SLC35F4: variants seen among roughly 807,000 people sequenced by gnomAD.
SLC35F4 encodes the protein chromosome 14 open reading frame 36.
SLC35F4 carries 24 observed loss-of-function variants against 44.2 expected under a neutral mutation model. That is an observed-to-expected ratio of 0.54 (90% CI 0.39 to 0.76). The LOEUF is 0.76. Ranked by LOEUF, SLC35F4 falls within the 30% of genes least tolerant of loss-of-function variation. The pLI is 0.00. For missense variants in SLC35F4, 562 were observed against 586.1 expected (o/e 0.96, Z 0.42); for synonymous variants, 238 against 223.6 (o/e 1.06, Z -0.57).
rs767179058 is a variant in SLC35F4, at chr14:57,589,465, C to G, written c.338G>C (p.Arg113Thr). 19 of 1,613,702 alleles carry G rather than the reference C, an allele frequency of 1.2e-5. No individual in the cohort carries two copies. Among genetic ancestry groups the G allele is most frequent in the Non-Finnish European group, 1.2e-5 (14 of 1,179,816 alleles). ...GCAGGACAGGCAGCGAGCCTTGATTCTGTTTTCTTGGCTGCTGTTCTCAGA... is the reference window on the plus strand; with the variant it reads ...GCAGGACAGGCAGCGAGCCTTGATTGTGTTTTCTTGGCTGCTGTTCTCAGA... The part of the protein sequence containing the change: ...THSENSSQEN[R>T]IKARCLSCTS... The change falls in exon 3 of 8, where the codon AGA becomes ACA. Residue 113 changes from arginine to threonine, a missense_variant. Coordinates refer to ENST00000556826, the MANE Select transcript of SLC35F4 (RefSeq NM_001306087.2).
chr14:57,787,101 T>C (rs2077783056), intron 1 of SLC35F4, among the ~76,000 whole-genome samples: 2 of 152,150 alleles, frequency 1.3e-5, no homozygotes, highest in Non-Finnish European at 2.9e-5. Context: ...GGATACACTC[T>C]TAGAAATGTG....
chr14:57,665,301 C>T (rs1047646598), intron 1 of SLC35F4, among the ~76,000 whole-genome samples: 4 of 152,140 alleles, frequency 2.6e-5, no homozygotes, highest in African/African-American at 9.7e-5. Context: ...TGCACCACAA[C>T]CCCAAATTTT....
At chr14:57,836,173 A>G (rs1409070560) in intron 1 of SLC35F4, among the ~76,000 whole-genome samples, 2 of 152,214 alleles carry the variant, frequency 1.3e-5, no homozygotes, top group African/African-American at 4.8e-5. Context: ...AGTTTAACTA[A>G]TGACTTACCT....
chr14:57,571,815 T>C, intron 5 of SLC35F4, 79 bp downstream of exon 5: 1 of 1,497,030 alleles, frequency 6.7e-7, no homozygotes, highest in Non-Finnish European at 9.0e-7. Flanking sequence ...AATCAATGAT[T>C]ACATCGTACT....
chr14:57,696,463 T>C (rs1327210728), intron 1 of SLC35F4, among the ~76,000 whole-genome samples: 1 of 152,200 alleles, frequency 6.6e-6, no homozygotes, highest in Non-Finnish European at 1.5e-5. Context: ...TTTTACACTG[T>C]TGGTGGGACT....
At chr14:57,626,222 A>G (rs936054569) in intron 1 of SLC35F4, among the ~76,000 whole-genome samples, 11 of 144,942 alleles carry the variant, frequency 7.6e-5, no homozygotes, top group African/African-American at 2.5e-4. Context: ...CGTAATGTAA[A>G]TGACGGGTTG....
chr14:57,948,745 T>C (rs1890081530), intron 1 of SLC35F4, among the ~76,000 whole-genome samples: 1 of 152,152 alleles, frequency 6.6e-6, no homozygotes, highest in South Asian at 2.1e-4. Context: ...ACTATTATCA[T>C]TCGGTTCAAA....
chr14:57,586,456 A>G (rs1220663306), intron 3 of SLC35F4, among the ~76,000 whole-genome samples: 1 of 151,974 alleles, frequency 6.6e-6, no homozygotes, highest in Admixed American at 6.6e-5. Context: ...GGTGGCTTAC[A>G]CCTGTAATCC....
At chr14:57,797,755 G>C (rs1444895646) in intron 1 of SLC35F4, among the ~76,000 whole-genome samples, 1 of 151,972 alleles carries the variant, frequency 6.6e-6, no homozygotes, top group Non-Finnish European at 1.5e-5. Context: ...TGAAACACTG[G>C]GTGATAAGTA....
chr14:57,739,615 G>C (rs1032653254), intron 1 of SLC35F4, among the ~76,000 whole-genome samples: 2 of 152,184 alleles, frequency 1.3e-5, no homozygotes, highest in African/African-American at 4.8e-5. Flanking sequence ...GCCGTTTGTG[G>C]ATTGTGTTGC....
intron 1 of SLC35F4, among the ~76,000 whole-genome samples, chr14:57,915,745 T>C (rs1397291502): frequency 6.6e-6 from 1 of 152,194 alleles, no homozygotes; most frequent in Non-Finnish European, 1.5e-5. Flanking sequence ...GAATGGGCTT[T>C]AGTGTCCAGA....
chr14:57,894,416 C>A (rs1318412686), intron 1 of SLC35F4, among the ~76,000 whole-genome samples: 1 of 152,048 alleles, frequency 6.6e-6, no homozygotes, highest in Non-Finnish European at 1.5e-5. Flanking sequence ...GCTTCACAAG[C>A]TTTATGATAA....
chr14:57,638,834 T>C (rs966976533), intron 1 of SLC35F4, among the ~76,000 whole-genome samples: 5 of 151,940 alleles, frequency 3.3e-5, no homozygotes, highest in African/African-American at 1.2e-4. Context: ...TAAATCTACA[T>C]AGTTTAGGTC....
chr14:57,913,242 T>G (rs2141052747), intron 1 of SLC35F4, among the ~76,000 whole-genome samples: 1 of 152,246 alleles, frequency 6.6e-6, no homozygotes, highest in Non-Finnish European at 1.5e-5. Context: ...TTTTAGTTGG[T>G]GTACTTAGAT....
At chr14:57,664,277 T>C (rs2074234992) in intron 1 of SLC35F4, among the ~76,000 whole-genome samples, 1 of 152,152 alleles carries the variant, frequency 6.6e-6, no homozygotes, top group African/African-American at 2.4e-5. Flanking sequence ...ACTATTATCT[T>C]CTCTTTTACC....
intron 1 of SLC35F4, among the ~76,000 whole-genome samples, chr14:57,739,460 T>C (rs2076550096): frequency 6.6e-6 from 1 of 152,222 alleles, no homozygotes; most frequent in African/African-American, 2.4e-5. Flanking sequence ...ACAGACTTCC[T>C]AGGTGTAATT....
At chr14:57,661,238 T>C (rs1241289718) in intron 1 of SLC35F4, among the ~76,000 whole-genome samples, 6 of 151,884 alleles carry the variant, frequency 4.0e-5, no homozygotes, top group South Asian at 2.1e-4. Context: ...TAATCAAGAG[T>C]TGTGGGGCAC....
intron 1 of SLC35F4, among the ~76,000 whole-genome samples, chr14:57,857,304 T>C (rs906684128): frequency 2.6e-5 from 4 of 151,612 alleles, no homozygotes; most frequent in South Asian, 2.1e-4. Flanking sequence ...TTTTCCCCCA[T>C]TGAAGCACAG....
intron 1 of SLC35F4, among the ~76,000 whole-genome samples, chr14:57,795,923 C>G (rs147970782): frequency 1.3e-5 from 2 of 152,146 alleles, no homozygotes; most frequent in Non-Finnish European, 2.9e-5. Flanking sequence ...GTACCCAATA[C>G]CTAGTTTTTC....
Sources: allele counts gnomAD v4.1 joint callset (sites outside exome capture counted in the v4.1 genomes callset), GRCh38; gene constraint gnomAD v4.1.1; transcripts MANE v1.5; gene names NCBI Gene and HGNC (gene_info 2026-07-23, HGNC 2026-07-21).